MTAP: variants seen among roughly 807,000 people sequenced by gnomAD.
MTAP encodes S-methyl-5'-thioadenosine phosphorylase.
A neutral mutation model predicts 33.6 loss-of-function variants in MTAP; 33 were observed. That is an observed-to-expected ratio of 0.98 (90% CI 0.74 to 1.31). The LOEUF (loss-of-function observed/expected upper bound fraction) is 1.31. MTAP is among the 40% of genes most tolerant of loss of function. The pLI, the probability that MTAP is intolerant of heterozygous loss-of-function variation, is 0.00. For synonymous variants in MTAP, 148 were observed against 125.7 expected (o/e 1.18, Z -1.19); for missense variants, 367 against 360.0 (o/e 1.02, Z -0.16).
chr9:21,885,448 A>G (rs1381106655), intron 1 of MTAP, among the ~76,000 whole-genome samples: 4 of 152,008 alleles, frequency 2.6e-5, no homozygotes, highest in African/African-American at 9.7e-5. Flanking sequence ...TTATTTCAAT[A>G]GTTTTTGGGG....
At position 21,816,773 on chromosome 9, in the gene MTAP, G is replaced by A. The variant is rs1395236232; in HGVS notation, c.179+1G>A. On this transcript the variant is annotated splice_donor_variant, in intron 3 of 7. Coordinates refer to ENST00000644715, the MANE Select transcript of MTAP (RefSeq NM_002451.4). LOFTEE classifies it high-confidence loss of function. ...ATGTTGATTGCGTCCTCCTTGCAAGGTATGGTATTTTAAGCTTTTTGGATG... is the reference window on the plus strand; with the variant it reads ...ATGTTGATTGCGTCCTCCTTGCAAGATATGGTATTTTAAGCTTTTTGGATG... 4 of 1,607,588 alleles carry A rather than the reference G, an allele frequency of 2.5e-6. No homozygotes were observed. The highest frequency in any genetic ancestry group is 3.4e-6 in the Non-Finnish European group (4 of 1,177,322).
chr9:21,904,676 T>G (rs1405099269), intron 1 of MTAP, among the ~76,000 whole-genome samples: 3 of 152,206 alleles, frequency 2.0e-5, no homozygotes, highest in African/African-American at 7.2e-5. Context: ...GAGATTTATC[T>G]GACTCATGAG....
chr9:21,836,392 GTTCCAAGGCAAATGGGTGGGGA>G (rs1563840507), intron 4 of MTAP, among the ~76,000 whole-genome samples: 1 of 152,132 alleles, frequency 6.6e-6, no homozygotes, highest in Admixed American at 6.6e-5. Flanking sequence ...AAAGGCGGGG[GTTCCAAGGCAAATGGGTGGGGA>G]TAGACAGGAG....
At chr9:21,924,437 T>C (rs1041001032) in intron 1 of MTAP, among the ~76,000 whole-genome samples, 122 of 152,314 alleles carry the variant, frequency 8.0e-4, no homozygotes, top group African/African-American at 2.5e-3. Flanking sequence ...GAAGCATAAA[T>C]TTTAAATTTT....
chr9:21,834,790 A>G (rs1259687849), intron 4 of MTAP, among the ~76,000 whole-genome samples: 2 of 152,242 alleles, frequency 1.3e-5, no homozygotes, highest in Non-Finnish European at 2.9e-5. Flanking sequence ...TTTGCCATCT[A>G]AAGTAATATA....
intron 1 of MTAP, among the ~76,000 whole-genome samples, chr9:21,901,310 A>C (rs1404588823): frequency 2.0e-5 from 3 of 152,210 alleles, no homozygotes; most frequent in African/African-American, 7.2e-5. Context: ...ATCCAATACA[A>C]TTCCAGTTTA....
intron 1 of MTAP, among the ~76,000 whole-genome samples, chr9:21,911,807 C>T (rs1048137301): frequency 1.3e-5 from 2 of 151,640 alleles, no homozygotes; most frequent in Admixed American, 6.6e-5. Context: ...GATAGAGACA[C>T]AAAAAACCCA....
intron 1 of MTAP, among the ~76,000 whole-genome samples, chr9:21,805,449 C>T (rs1354998427): frequency 1.3e-5 from 2 of 152,152 alleles, no homozygotes; most frequent in East Asian, 3.8e-4. Context: ...GGGTGGGAAA[C>T]CAACTGACAT....
intron 5 of MTAP, among the ~76,000 whole-genome samples, chr9:21,841,501 A>G (rs894970243): frequency 1.3e-5 from 2 of 152,128 alleles, no homozygotes; most frequent in African/African-American, 4.8e-5. Flanking sequence ...CATATCTACA[A>G]CCAATGACTC....
At chr9:21,890,808 G>T (rs1245102967) in intron 1 of MTAP, among the ~76,000 whole-genome samples, 5 of 152,164 alleles carry the variant, frequency 3.3e-5, no homozygotes, top group Non-Finnish European at 4.4e-5. Flanking sequence ...GTCTCACAGA[G>T]CTTGCAGTGG....
intron 3 of MTAP, 61 bp from the exon 4 acceptor site, chr9:21,817,974 A>C: frequency 1.4e-5 from 20 of 1,473,890 alleles, no homozygotes; most frequent in East Asian, 2.5e-5. Context: ...TCTAGACTCT[A>C]GGAGAAAACA....
chr9:21,827,285 T>C (rs1013534048), intron 4 of MTAP, among the ~76,000 whole-genome samples: 2 of 152,160 alleles, frequency 1.3e-5, no homozygotes, highest in African/African-American at 4.8e-5. Context: ...TCCATGCTGC[T>C]CCTCCCATCA....
chr9:21,871,779 A>C (rs1315038816), downstream of MTAP, among the ~76,000 whole-genome samples: 1 of 151,982 alleles, frequency 6.6e-6, no homozygotes, highest in Non-Finnish European at 1.5e-5. Context: ...AGCTCATATT[A>C]CTCATAGGCC....
At chr9:21,831,160 A>G (rs1824956944) in intron 4 of MTAP, among the ~76,000 whole-genome samples, 1 of 152,070 alleles carries the variant, frequency 6.6e-6, no homozygotes, top group African/African-American at 2.4e-5. Flanking sequence ...CCCAACTACT[A>G]ACTGTCCATG....
chr9:21,870,080 C>G (rs1355519131), downstream of MTAP, among the ~76,000 whole-genome samples: 3 of 152,138 alleles, frequency 2.0e-5, no homozygotes, highest in Admixed American at 2.0e-4. Flanking sequence ...GGAACACTCT[C>G]CCAGCAGATA....
chr9:21,887,876 G>C (rs564185403), intron 1 of MTAP, among the ~76,000 whole-genome samples: 13 of 152,022 alleles, frequency 8.6e-5, no homozygotes, highest in Non-Finnish European at 1.2e-4. Context: ...AGTTTTGTGT[G>C]GGGGGGTTGC....
At chr9:21,814,375 T>C (rs1161798529) in intron 1 of MTAP, among the ~76,000 whole-genome samples, 1 of 152,176 alleles carries the variant, frequency 6.6e-6, no homozygotes, top group African/African-American at 2.4e-5. Context: ...TTATTTTATT[T>C]AGTTACCCTT....
At chr9:21,860,603 A>G (rs1161407307) in intron 7 of MTAP, 2 of 152,236 alleles carry the variant, frequency 1.3e-5, no homozygotes, top group Non-Finnish European at 2.9e-5. Flanking sequence ...CCTTATTATT[A>G]GAATTAAAAG....
intron 1 of MTAP, among the ~76,000 whole-genome samples, chr9:21,921,625 G>T (rs912334645): frequency 2.0e-5 from 3 of 152,126 alleles, no homozygotes; most frequent in African/African-American, 7.2e-5. Context: ...TGTAGATTTT[G>T]ATTATCATGC....
Sources: gnomAD v4.1 joint callset for allele counts (sites outside exome capture counted in the v4.1 genomes callset) on GRCh38, gnomAD v4.1.1 for gene constraint, MANE v1.5 for transcripts, NCBI Gene and HGNC (gene_info 2026-07-23, HGNC 2026-07-21) for gene names.